INVS: variants seen among roughly 807,000 people sequenced by gnomAD.
The protein encoded by INVS is inversion of embryo turning homolog.
A neutral mutation model predicts 108.8 loss-of-function variants in INVS; 86 were observed. The ratio of observed to expected loss-of-function variants is 0.79; its 90% CI spans 0.66 to 0.95. INVS has a LOEUF of 0.95. Ranked by LOEUF, INVS falls within the 40% of genes least tolerant of loss-of-function variation. INVS has a pLI of 0.00. For missense variants in INVS, 1,169 were observed against 1,297.4 expected (o/e 0.90, Z 1.52); for synonymous variants, 455 against 473.5 (o/e 0.96, Z 0.51).
chr9:100,195,436 C>T (rs1034208987), intron 3 of INVS, among the ~76,000 whole-genome samples: 1 of 152,140 alleles, frequency 6.6e-6, no homozygotes, highest in Non-Finnish European at 1.5e-5. Context: ...CCCACCTCAG[C>T]CTCTCGAGTA....
chr9:100,100,811 A>ATT (rs1554712500), intron 1 of INVS, among the ~76,000 whole-genome samples: 5 of 13,204 alleles, frequency 3.8e-4, no homozygotes, highest in Non-Finnish European at 4.6e-4. Context: ...ATGTATATAT[A>ATT]ATATATATAA....
intron 1 of INVS, among the ~76,000 whole-genome samples, chr9:100,100,917 TGTA>T (rs1564112222): frequency 2.7e-5 from 1 of 37,400 alleles, no homozygotes; most frequent in Non-Finnish European, 4.0e-5. Context: ...ATATATTATA[TGTA>T]TATATATAAT....
At chr9:100,136,704 G>T (rs1377659568) in intron 3 of INVS, among the ~76,000 whole-genome samples, 3 of 152,108 alleles carry the variant, frequency 2.0e-5, no homozygotes, top group Non-Finnish European at 2.9e-5. Flanking sequence ...GAGAAAGAAT[G>T]GATTATTGAT....
intron 3 of INVS, among the ~76,000 whole-genome samples, chr9:100,197,154 G>A (rs1830402644): frequency 6.6e-6 from 1 of 152,168 alleles, no homozygotes; most frequent in Non-Finnish European, 1.5e-5. Flanking sequence ...GCTTCAAGTT[G>A]GGGTTCCTAC....
At chr9:100,186,988 C>T (rs540393606) in intron 3 of INVS, among the ~76,000 whole-genome samples, 1 of 152,038 alleles carries the variant, frequency 6.6e-6, no homozygotes, top group Non-Finnish European at 1.5e-5. Context: ...TTTATGGTTT[C>T]AGGTCTTAGA....
chr9:100,100,654 AATATATATATT>A (rs1192395576), intron 1 of INVS, among the ~76,000 whole-genome samples: 1 of 39,944 alleles, frequency 2.5e-5, no homozygotes, highest in Admixed American at 4.0e-4. Context: ...ATGTATATAT[AATATATATATT>A]ATATATGTAC....
intron 2 of INVS, among the ~76,000 whole-genome samples, chr9:100,109,944 A>C (rs1827292353): frequency 6.6e-6 from 1 of 152,182 alleles, no homozygotes. Flanking sequence ...TGGGATTACA[A>C]GCCTGAGCCA....
At chr9:100,129,712 A>G (rs1827999979) in intron 3 of INVS, 1 of 711,700 alleles carries the variant, frequency 1.4e-6, no homozygotes, top group East Asian at 2.7e-5. Flanking sequence ...GATCTAAGAG[A>G]CTACAATCAT....
At chr9:100,195,489 A>T (rs1353557081) in intron 3 of INVS, among the ~76,000 whole-genome samples, 1 of 115,050 alleles carries the variant, frequency 8.7e-6, no homozygotes, top group Non-Finnish European at 1.9e-5. Flanking sequence ...CAACACATCA[A>T]TTGATTTTTT....
intron 3 of INVS, among the ~76,000 whole-genome samples, chr9:100,199,629 ATCATTTTATTG>A (rs1830481410): frequency 6.6e-6 from 1 of 152,162 alleles, no homozygotes; most frequent in Admixed American, 6.5e-5. Context: ...ACTTAACTAT[ATCATTTTATTG>A]TTTTCTGGTA....
intron 3 of INVS, among the ~76,000 whole-genome samples, chr9:100,160,294 A>C (rs1227824604): frequency 6.6e-6 from 1 of 152,224 alleles, no homozygotes; most frequent in Non-Finnish European, 1.5e-5. Flanking sequence ...TACAGAGGTT[A>C]TGCATTGCAC....
chr9:100,101,152 G>A (rs1189413674), intron 1 of INVS: 1 of 145,536 alleles, frequency 6.9e-6, no homozygotes, highest in Admixed American at 7.2e-5. Context: ...TTTTTTTGTG[G>A]TTCTGATGTG....
chr9:100,258,545 ATGGTCTT>A (rs937306982), intron 10 of INVS, among the ~76,000 whole-genome samples: 6 of 152,018 alleles, frequency 3.9e-5, no homozygotes, highest in African/African-American at 1.2e-4. Context: ...TTGTGGTTTT[ATGGTCTT>A]TGGTCTTTGG....
intron 4 of INVS, among the ~76,000 whole-genome samples, chr9:100,226,921 G>C (rs559953852): frequency 3.3e-5 from 5 of 151,724 alleles, no homozygotes; most frequent in African/African-American, 1.2e-4. Context: ...ATGGCCAAAT[G>C]CCCATGGCAA....
intron 11 of INVS, among the ~76,000 whole-genome samples, chr9:100,270,857 G>A (rs1273947439): frequency 3.3e-5 from 5 of 150,510 alleles, no homozygotes; most frequent in Admixed American, 1.3e-4. Context: ...AGGAGGAGTC[G>A]AGGCTGCAGT....
At chr9:100,265,330 A>G (rs1411322525) in intron 11 of INVS, among the ~76,000 whole-genome samples, 2 of 152,196 alleles carry the variant, frequency 1.3e-5, no homozygotes, top group Non-Finnish European at 2.9e-5. Context: ...GATATTGTTC[A>G]GAAATAATAA....
rs974225124 is a variant in INVS, at chr9:100,264,863, T to C, written c.1506T>C (p.Leu502=). 8 of 1,614,022 alleles carry C rather than the reference T, an allele frequency of 5.0e-6. No individual in the cohort carries two copies. The highest frequency in any genetic ancestry group is 2.2e-5 in the East Asian group (1 of 44,884). ...ALHWSCNNGY[L]DAIKLLLDFA... is the part of the protein sequence containing the mutation. ...ATTGGTCCTGCAACAATGGATACCTTGATGCCATTAAATTACTGCTAGACT... is the reference window on the plus strand; with the variant it reads ...ATTGGTCCTGCAACAATGGATACCTCGATGCCATTAAATTACTGCTAGACT... The change falls in exon 11 of 17, where the codon CTT becomes CTC. Residue 502 remains leucine (L), a synonymous_variant. Coordinates refer to ENST00000262457, the MANE Select transcript of INVS (RefSeq NM_014425.5).
chr9:100,168,537 C>T (rs1256366060), intron 3 of INVS, among the ~76,000 whole-genome samples: 4 of 152,066 alleles, frequency 2.6e-5, no homozygotes, highest in African/African-American at 7.3e-5. Flanking sequence ...CAATAGCTGT[C>T]GTTGTCATGA....
In INVS at chr9:100,301,851, A is replaced by G. The variant is rs1272849147; in HGVS notation, c.*1177A>G. 2.0e-5 allele frequency among the ~76,000 whole-genome samples: 3 copies of G among 152,152 alleles called. No homozygotes were observed. Among genetic ancestry groups the G allele is most frequent in the Non-Finnish European group, 4.4e-5 (3 of 68,032 alleles). On this transcript the variant is annotated 3_prime_UTR_variant, in exon 17 of 17. Coordinates refer to ENST00000262457, the MANE Select transcript of INVS (RefSeq NM_014425.5). The stretch of plus-strand genomic sequence containing the variant: ...TTTTTGTGATCACAAAAACACAAAG[A>G]AGGAGGTCTGCCTGGATGGAATTAC...
Sources: allele counts gnomAD v4.1 joint callset (sites outside exome capture counted in the v4.1 genomes callset), GRCh38; gene constraint gnomAD v4.1.1; transcripts MANE v1.5; gene names NCBI Gene and HGNC (gene_info 2026-07-23, HGNC 2026-07-21).